ATP8A2: variants seen among roughly 807,000 people sequenced by gnomAD.
ATP8A2 encodes phospholipid-transporting ATPase IB.
Under a neutral mutation model 165.6 loss-of-function variants are expected in ATP8A2, and 100 were observed. That is an observed-to-expected ratio of 0.60 (90% CI 0.51 to 0.71). The LOEUF is 0.71. ATP8A2 is among the 30% of genes least tolerant of loss of function. The pLI is 0.00. For missense variants in ATP8A2, 1,227 were observed against 1,479.5 expected (o/e 0.83, Z 2.80); for synonymous variants, 543 against 548.8 (o/e 0.99, Z 0.15).
intron 24 of ATP8A2, among the ~76,000 whole-genome samples, chr13:25,635,565 A>T (rs9551215): frequency 0.22 from 32,957 of 152,132 alleles, 3,700 homozygotes; most frequent in Admixed American, 0.25. Context: ...TCCAAACTCA[A>T]TTGAGCATGG....
At chr13:25,707,695 A>T (rs961587060) in intron 25 of ATP8A2, among the ~76,000 whole-genome samples, 2 of 152,208 alleles carry the variant, frequency 1.3e-5, no homozygotes, top group African/African-American at 4.8e-5. Context: ...TGTAATTGGG[A>T]ACACATCTCT....
chr13:25,796,994 G>T (rs971786213), intron 27 of ATP8A2, among the ~76,000 whole-genome samples: 1 of 152,090 alleles, frequency 6.6e-6, no homozygotes, highest in Non-Finnish European at 1.5e-5. Context: ...ACAGCCAGGC[G>T]CCATGGCTCA....
intron 33 of ATP8A2, chr13:25,880,895 A>C (rs898156156): frequency 8.8e-6 from 4 of 455,880 alleles, no homozygotes; most frequent in African/African-American, 6.0e-5. Flanking sequence ...TGATAAATTC[A>C]ATCTTTCCTC....
intron 25 of ATP8A2, among the ~76,000 whole-genome samples, chr13:25,737,844 T>A (rs779302232): frequency 1.3e-5 from 2 of 152,088 alleles, no homozygotes; most frequent in Admixed American, 6.5e-5. Context: ...CCACCATGCC[T>A]GACTAATTTT....
At chr13:25,938,830 T>G (rs1954987995) in intron 33 of ATP8A2, among the ~76,000 whole-genome samples, 1 of 151,656 alleles carries the variant, frequency 6.6e-6, no homozygotes, top group South Asian at 2.1e-4. Context: ...TGGATTTCCA[T>G]CATCCCTTCT....
chr13:25,845,440 G>T, intron 30 of ATP8A2, among the ~76,000 whole-genome samples: 1 of 152,170 alleles, frequency 6.6e-6, no homozygotes, highest in East Asian at 1.9e-4. Context: ...CAAAAGAAAA[G>T]AGCTCCTAAA....
intron 1 of ATP8A2, among the ~76,000 whole-genome samples, chr13:25,465,709 TTCTTTCTTTCTTTCTTTC>T (rs1238355191): frequency 1.4e-4 from 3 of 22,088 alleles, no homozygotes; most frequent in African/African-American, 3.9e-4. Context: ...CTTTCTTTCT[TTCTTTCTTTCTTTCTTTC>T]TTTCTTTCTT....
chr13:25,978,581 A>T (rs1956111323), intron 35 of ATP8A2, among the ~76,000 whole-genome samples: 2 of 152,166 alleles, frequency 1.3e-5, no homozygotes, highest in African/African-American at 4.8e-5. Context: ...GGTTAAAGTG[A>T]CTTTGTAGTG....
At chr13:25,461,011 A>G (rs911696343) in intron 1 of ATP8A2, among the ~76,000 whole-genome samples, 1 of 152,208 alleles carries the variant, frequency 6.6e-6, no homozygotes, top group Non-Finnish European at 1.5e-5. Flanking sequence ...GAGGTGCTCA[A>G]TAACTGAATG....
chr13:25,445,254 A>G (rs2035038498), intron 1 of ATP8A2, among the ~76,000 whole-genome samples: 1 of 152,226 alleles, frequency 6.6e-6, no homozygotes, highest in Non-Finnish European at 1.5e-5. Context: ...AAAGGTATTA[A>G]TACAGTTAGC....
chr13:25,745,520 T>C (rs2044011884), intron 25 of ATP8A2, among the ~76,000 whole-genome samples: 1 of 152,216 alleles, frequency 6.6e-6, no homozygotes. Flanking sequence ...TATTATCTCA[T>C]GAGGACTCTT....
intron 33 of ATP8A2, among the ~76,000 whole-genome samples, chr13:25,937,721 C>T (rs763274347): frequency 1.3e-5 from 2 of 151,330 alleles, no homozygotes; most frequent in Admixed American, 6.6e-5. Context: ...TGGTGGCAGG[C>T]GCCTGTAGTC....
chr13:25,542,895 G>A (rs2038528252), intron 9 of ATP8A2, among the ~76,000 whole-genome samples: 1 of 151,872 alleles, frequency 6.6e-6, no homozygotes, highest in Non-Finnish European at 1.5e-5. Context: ...CTTCCTAATA[G>A]TCTGTAAAAT....
At chr13:25,908,652 G>C (rs1954018125) in intron 33 of ATP8A2, among the ~76,000 whole-genome samples, 1 of 152,222 alleles carries the variant, frequency 6.6e-6, no homozygotes, top group Non-Finnish European at 1.5e-5. Context: ...CAAGCCTCAA[G>C]GGGGCTGAGC....
chr13:25,429,115 C>T (rs1464003535), intron 1 of ATP8A2, among the ~76,000 whole-genome samples: 3 of 152,068 alleles, frequency 2.0e-5, no homozygotes, highest in South Asian at 2.1e-4. Flanking sequence ...TGCCTGTAAT[C>T]CCAGCACTTT....
chr13:25,873,118 C>T (rs1348263239), intron 33 of ATP8A2, among the ~76,000 whole-genome samples: 2 of 152,136 alleles, frequency 1.3e-5, no homozygotes, highest in African/African-American at 4.8e-5. Flanking sequence ...GAAACTCAGC[C>T]TCAGCCCAGA....
rs551924401 is a variant in ATP8A2 at position 25,429,144 on chromosome 13, G to T, written c.77-39833G>T. ...GCACTTTGGGAGGCCGAGGCGGTTGGATCACCTGAGGTCACGTGTTTGAGA... is the reference window on the plus strand; with the variant it reads ...GCACTTTGGGAGGCCGAGGCGGTTGTATCACCTGAGGTCACGTGTTTGAGA... On this transcript the variant is annotated intron_variant, in intron 1 of 36. Transcript: ENST00000381655. Among the ~76,000 whole-genome samples, 57 of 152,200 alleles carry T rather than the reference G, an allele frequency of 3.7e-4. No individual in the cohort carries two copies. In the South Asian group the frequency reaches 0.011, roughly 30 times the overall value.
At chr13:25,451,644 T>G (rs1032994369) in intron 1 of ATP8A2, among the ~76,000 whole-genome samples, 4 of 152,084 alleles carry the variant, frequency 2.6e-5, no homozygotes, top group African/African-American at 9.7e-5. Context: ...TTAAGTTAGC[T>G]TAGACTTCGT....
At chr13:25,430,585 T>A (rs1282861951) in intron 1 of ATP8A2, among the ~76,000 whole-genome samples, 1 of 151,848 alleles carries the variant, frequency 6.6e-6, no homozygotes, top group Non-Finnish European at 1.5e-5. Context: ...GGGGATAGGT[T>A]TTTGTTGTTG....
Sources: gnomAD v4.1 joint callset for allele counts (sites outside exome capture counted in the v4.1 genomes callset) on GRCh38, gnomAD v4.1.1 for gene constraint, MANE v1.5 for transcripts, NCBI Gene and HGNC (gene_info 2026-07-23, HGNC 2026-07-21) for gene names.